The following PPP2R2B variants were observed in gnomAD, a reference collection of about 807,000 sequenced individuals.
PPP2R2B encodes serine/threonine-protein phosphatase 2A 55 kDa regulatory subunit B beta isoform.
In PPP2R2B, 5 loss-of-function variants were observed where a neutral mutation model predicts 46.0. The ratio of observed to expected loss-of-function variants is 0.11; its 90% CI spans 0.06 to 0.23. The LOEUF (loss-of-function observed/expected upper bound fraction) is 0.23. Ranked by LOEUF, PPP2R2B falls within the 10% of genes least tolerant of loss-of-function variation. PPP2R2B has a pLI of 1.00. For missense variants in PPP2R2B, 367 were observed against 575.0 expected (o/e 0.64, Z 3.70); for synonymous variants, 215 against 206.7 (o/e 1.04, Z -0.34).
chr5:147,022,096 A>G (rs953330124), intron 1 of PPP2R2B, among the ~76,000 whole-genome samples: 2 of 152,198 alleles, frequency 1.3e-5, no homozygotes, highest in Non-Finnish European at 2.9e-5. Flanking sequence ...ATAAAATTGA[A>G]GATGGGGTAT....
Position 146,584,970 on chromosome 5 carries a change from C to A in PPP2R2B, c.*4977G>T, listed in dbSNP as rs867173199. 1 of 152,144 alleles carries A rather than the reference C, an allele frequency of 6.6e-6. No individual in the cohort carries two copies. Among genetic ancestry groups the A allele is most frequent in the Non-Finnish European group, 1.5e-5 (1 of 68,024 alleles). 9.4% of individuals were successfully genotyped at this position (152,144 alleles called of 1,614,324 possible). A position where few individuals can be genotyped will look rare whatever the true frequency, so the allele number is the denominator to read the frequency against. On this transcript the variant is annotated 3_prime_UTR_variant, in exon 10 of 10. Coordinates refer to ENST00000394411, the MANE Select transcript of PPP2R2B (RefSeq NM_181675.4). The stretch of plus-strand genomic sequence containing the variant: ...TGCTTAGATGACACATTCTGAGAAC[C>A]TTTTCTTATCACTCATTGATTAACT...
chr5:147,066,715 T>C (rs72827272), intron 2 of PPP2R2B, among the ~76,000 whole-genome samples: 2,371 of 152,316 alleles, frequency 0.016, 36 homozygotes, highest in Middle Eastern at 0.099. Context: ...ATGCCTTTCT[T>C]GGACTGCTAG....
chr5:147,006,028 C>T (rs543929031), intron 1 of PPP2R2B, among the ~76,000 whole-genome samples: 6 of 152,264 alleles, frequency 3.9e-5, no homozygotes, highest in East Asian at 1.9e-4. Flanking sequence ...TAACAAAAAT[C>T]CTTAACCCAG....
intron 2 of PPP2R2B, among the ~76,000 whole-genome samples, chr5:146,709,099 A>G (rs1402834845): frequency 6.6e-6 from 1 of 152,212 alleles, no homozygotes; most frequent in Non-Finnish European, 1.5e-5. Flanking sequence ...ATCAGTGTCT[A>G]GTATTTGGAT....
chr5:147,070,472 T>A (rs567751328), intron 2 of PPP2R2B, among the ~76,000 whole-genome samples: 47 of 152,186 alleles, frequency 3.1e-4, no homozygotes, highest in African/African-American at 1.0e-3. Flanking sequence ...GCTTTTAAAT[T>A]CCATTAACTA....
At chr5:146,888,044 GCT>G (rs1215583147) in intron 1 of PPP2R2B, among the ~76,000 whole-genome samples, 2 of 152,088 alleles carry the variant, frequency 1.3e-5, no homozygotes. Context: ...CCTGGGCATT[GCT>G]CTCTCTTTAT....
upstream of PPP2R2B, among the ~76,000 whole-genome samples, chr5:147,060,802 A>G (rs774810946): frequency 5.9e-5 from 9 of 152,226 alleles, no homozygotes; most frequent in Non-Finnish European, 2.9e-5. Flanking sequence ...GCTGTTTAGT[A>G]TCTGACACCC....
At chr5:146,642,976 G>A (rs528904033) in intron 6 of PPP2R2B, among the ~76,000 whole-genome samples, 7 of 152,326 alleles carry the variant, frequency 4.6e-5, no homozygotes, top group African/African-American at 1.7e-4. Flanking sequence ...AGGATTGATT[G>A]AGCCTGGGAG....
chr5:146,706,487 G>C, intron 2 of PPP2R2B: 5 of 1,191,360 alleles, frequency 4.2e-6, no homozygotes, highest in Admixed American at 1.8e-5. Flanking sequence ...GGGTCAGCTT[G>C]ATGTTCATCA....
Position 146,585,708 on chromosome 5 carries a change from A to G in PPP2R2B, c.*4239T>C, listed in dbSNP as rs1770123592. On this transcript the variant is annotated 3_prime_UTR_variant, in exon 10 of 10. Coordinates refer to ENST00000394411, the MANE Select transcript of PPP2R2B (RefSeq NM_181675.4). ...ATGGGGTCTGGGAGAGGAGATAATG[A>G]GATGAGGCATGGAAAGCAATAGTAT... The G allele has an allele frequency of 6.6e-6, 1 of 152,242 alleles. No homozygotes were observed. The highest frequency in any genetic ancestry group is 1.5e-5 in the Non-Finnish European group (1 of 68,052). The allele number at this position is 152,242 out of a possible 1,614,324, so 9.4% of individuals were successfully genotyped here.
At chr5:146,640,807 G>C (rs1376830505) in intron 6 of PPP2R2B, among the ~76,000 whole-genome samples, 1 of 152,072 alleles carries the variant, frequency 6.6e-6, no homozygotes, top group East Asian at 1.9e-4. Context: ...ATGAAACCAG[G>C]CACATCCTCC....
chr5:146,805,374 G>A (rs10477310), intron 2 of PPP2R2B, among the ~76,000 whole-genome samples: 1,566 of 152,186 alleles, frequency 0.01, 18 homozygotes, highest in African/African-American at 0.036. Context: ...TAAAACAGCT[G>A]GGATCCTTGA....
At chr5:147,050,147 C>T (rs1031916) in intron 1 of PPP2R2B, among the ~76,000 whole-genome samples, 25,861 of 152,142 alleles carry the variant, frequency 0.17, 2,813 homozygotes, top group East Asian at 0.33. Context: ...ATAATTCATG[C>T]ATTGTACATA....
intron 1 of PPP2R2B, among the ~76,000 whole-genome samples, chr5:146,884,352 G>A (rs1022843422): frequency 1.3e-5 from 2 of 152,034 alleles, no homozygotes; most frequent in Non-Finnish European, 2.9e-5. Context: ...GAGGAAAATT[G>A]ATGTCGTTGT....
intron 1 of PPP2R2B, among the ~76,000 whole-genome samples, chr5:147,006,548 G>T (rs1323005377): frequency 6.6e-6 from 1 of 152,090 alleles, no homozygotes; most frequent in Non-Finnish European, 1.5e-5. Context: ...GGTTAGGAAT[G>T]GCTACTGCTA....
At chr5:146,816,911 G>C (rs1757963672) in intron 2 of PPP2R2B, among the ~76,000 whole-genome samples, 2 of 152,128 alleles carry the variant, frequency 1.3e-5, no homozygotes, top group Non-Finnish European at 2.9e-5. Flanking sequence ...GAATACCAGT[G>C]GTTAAGAATT....
upstream of PPP2R2B, among the ~76,000 whole-genome samples, chr5:146,881,526 C>T (rs2963080): frequency 0.42 from 64,450 of 151,972 alleles, 14,209 homozygotes; most frequent in East Asian, 0.7. Context: ...GAGTCTCATG[C>T]GTCAGACTCC....
At chr5:146,643,768 G>T (rs186440299) in intron 6 of PPP2R2B, among the ~76,000 whole-genome samples, 2 of 152,240 alleles carry the variant, frequency 1.3e-5, no homozygotes, top group East Asian at 3.9e-4. Flanking sequence ...AAAGAAAAAG[G>T]CATATGGTAT....
At chr5:146,685,760 G>A (rs538878490) in intron 5 of PPP2R2B, among the ~76,000 whole-genome samples, 5 of 152,206 alleles carry the variant, frequency 3.3e-5, no homozygotes, top group African/African-American at 1.2e-4. Context: ...AGTGTCCTGT[G>A]CTGACAGGAG....
Sources: allele counts gnomAD v4.1 joint callset (sites outside exome capture counted in the v4.1 genomes callset), GRCh38; gene constraint gnomAD v4.1.1; transcripts MANE v1.5; gene names NCBI Gene and HGNC (gene_info 2026-07-23, HGNC 2026-07-21).